The following NPAS3 variants were observed in gnomAD, a reference collection of about 807,000 sequenced individuals.
NPAS3 encodes neuronal PAS domain protein 3.
A neutral mutation model predicts 73.1 loss-of-function variants in NPAS3; 14 were observed. That is an observed-to-expected ratio of 0.19 (90% CI 0.13 to 0.30). NPAS3 has a LOEUF of 0.30. Ranked by LOEUF, NPAS3 falls within the 10% of genes least tolerant of loss-of-function variation. NPAS3 has a pLI of 1.00. For missense variants in NPAS3, 1,096 were observed against 1,250.0 expected, an observed-to-expected ratio of 0.88 and a Z score of 1.86; for synonymous variants, 620 against 541.5, an observed-to-expected ratio of 1.14 and a Z score of -2.01.
At chr14:33,526,722 A>T (rs1040293970) in intron 4 of NPAS3, among the ~76,000 whole-genome samples, 2 of 152,064 alleles carry the variant, frequency 1.3e-5, no homozygotes, top group African/African-American at 2.4e-5. Context: ...GTAATTTAGT[A>T]CCTCTCACCT....
intron 3 of NPAS3, among the ~76,000 whole-genome samples, chr14:33,267,582 G>A (rs967766089): frequency 2.6e-4 from 39 of 152,106 alleles, no homozygotes; most frequent in African/African-American, 8.4e-4. Context: ...TATAATATAA[G>A]CCAATATTCT....
At chr14:33,486,568 G>A (rs912037265) in intron 4 of NPAS3, among the ~76,000 whole-genome samples, 1 of 152,168 alleles carries the variant, frequency 6.6e-6, no homozygotes, top group Non-Finnish European at 1.5e-5. Context: ...TGTTATACAT[G>A]AAGGGAAGAT....
At chr14:33,390,040 G>GT (rs1038909293) in intron 4 of NPAS3, among the ~76,000 whole-genome samples, 5 of 102,440 alleles carry the variant, frequency 4.9e-5, no homozygotes, top group African/African-American at 1.6e-4. Flanking sequence ...AATGATTTGT[G>GT]TTAAAAAAAA....
intron 2 of NPAS3, among the ~76,000 whole-genome samples, chr14:33,172,900 A>G (rs973148945): frequency 6.6e-6 from 1 of 152,070 alleles, no homozygotes; most frequent in South Asian, 2.1e-4. Flanking sequence ...TGTGATTACT[A>G]AATTTCTGAA....
chr14:33,628,808 G>C (rs543259523), intron 5 of NPAS3, among the ~76,000 whole-genome samples: 2 of 152,132 alleles, frequency 1.3e-5, no homozygotes, highest in Non-Finnish European at 2.9e-5. Flanking sequence ...GTAAGAAAAC[G>C]ATACAATTTT....
At chr14:33,728,942 G>C (rs1486013513) in intron 6 of NPAS3, among the ~76,000 whole-genome samples, 1 of 152,070 alleles carries the variant, frequency 6.6e-6, no homozygotes, top group Non-Finnish European at 1.5e-5. Flanking sequence ...AGAGTGACAG[G>C]GATAGAGTGA....
chr14:33,592,297 G>T (rs149541649), intron 5 of NPAS3, among the ~76,000 whole-genome samples: 348 of 152,226 alleles, frequency 2.3e-3, no homozygotes, highest in African/African-American at 8.1e-3. Flanking sequence ...CAATTACACA[G>T]GTATTTAAAA....
At chr14:33,640,538 T>C (rs116628848) in intron 5 of NPAS3, among the ~76,000 whole-genome samples, 2,393 of 152,314 alleles carry the variant, frequency 0.016, 66 homozygotes, top group African/African-American at 0.055. Flanking sequence ...AAAAAACTTA[T>C]AAAAATATTT....
chr14:33,052,605 C>T (rs188504194), intron 1 of NPAS3, among the ~76,000 whole-genome samples: 1 of 152,280 alleles, frequency 6.6e-6, no homozygotes, highest in East Asian at 1.9e-4. Context: ...TCCCTCACTA[C>T]CAGGTGGAAC....
chr14:33,106,874 A>T (rs530630784), intron 2 of NPAS3, among the ~76,000 whole-genome samples: 2 of 152,282 alleles, frequency 1.3e-5, no homozygotes, highest in South Asian at 2.1e-4. Flanking sequence ...CTCCCTTAAC[A>T]CTATGAATAT....
chr14:33,185,433 G>A (rs1024264391), intron 2 of NPAS3, among the ~76,000 whole-genome samples: 1 of 152,066 alleles, frequency 6.6e-6, no homozygotes, highest in Admixed American at 6.6e-5. Flanking sequence ...TTTCTGCAGG[G>A]TACACTTACC....
At chr14:33,728,080 C>G (rs2140594968) in intron 6 of NPAS3, among the ~76,000 whole-genome samples, 1 of 152,254 alleles carries the variant, frequency 6.6e-6, no homozygotes, top group East Asian at 1.9e-4. Flanking sequence ...GTATATTTCC[C>G]CAGAGTGGTA....
chr14:33,758,749 C>T (rs1202978165), intron 7 of NPAS3, among the ~76,000 whole-genome samples: 1 of 152,138 alleles, frequency 6.6e-6, no homozygotes, highest in African/African-American at 2.4e-5. Context: ...CCTTACTCAG[C>T]AGAAAAAGCC....
intron 3 of NPAS3, among the ~76,000 whole-genome samples, chr14:33,310,786 ATGGT>A (rs2042968584): frequency 8.5e-6 from 1 of 117,364 alleles, no homozygotes; most frequent in Non-Finnish European, 1.8e-5. Flanking sequence ...AATGAAATGT[ATGGT>A]ACACACACAC....
At chr14:33,190,150 T>C (rs17100348) in intron 2 of NPAS3, among the ~76,000 whole-genome samples, 3,930 of 152,308 alleles carry the variant, frequency 0.026, 157 homozygotes, top group African/African-American at 0.089. Context: ...GAAAATACTT[T>C]TCCCTATACA....
Position 33,043,169 on chromosome 14 carries a change from T to C in NPAS3, c.51-12736T>C, listed in dbSNP as rs369648918. ...TTGTTGGTACAGTCTACTTTAATGT[T>C]AAAAGATTTATGATAAGAACACATT... On this transcript the variant is annotated intron_variant, in intron 1 of 11. Coordinates refer to ENST00000356141, the Ensembl canonical transcript of NPAS3. 2.6e-3 allele frequency among the ~76,000 whole-genome samples: 394 copies of C among 152,268 alleles called. 3 individuals are homozygous for C. The highest frequency in any genetic ancestry group is 8.3e-3 in the African/African-American group (347 of 41,574).
intron 3 of NPAS3, among the ~76,000 whole-genome samples, chr14:33,345,831 T>C (rs1272720087): frequency 6.6e-6 from 1 of 152,208 alleles, no homozygotes; most frequent in Non-Finnish European, 1.5e-5. Context: ...TCTCAAATGA[T>C]ATTGGTTCTG....
At chr14:33,389,887 C>T (rs2046927176) in intron 4 of NPAS3, among the ~76,000 whole-genome samples, 2 of 152,066 alleles carry the variant, frequency 1.3e-5, no homozygotes, top group Admixed American at 6.5e-5. Flanking sequence ...TTGACTTGAA[C>T]ATTAAATATT....
intron 3 of NPAS3, among the ~76,000 whole-genome samples, chr14:33,343,879 A>T (rs191225962): frequency 2.6e-4 from 39 of 152,266 alleles, no homozygotes; most frequent in African/African-American, 9.1e-4. Context: ...TCCTCAGTGC[A>T]TTGTCTTTTC....
Sources: gnomAD v4.1 joint callset for allele counts (sites outside exome capture counted in the v4.1 genomes callset) on GRCh38, gnomAD v4.1.1 for gene constraint, MANE v1.5 for transcripts, NCBI Gene and HGNC (gene_info 2026-07-23, HGNC 2026-07-21) for gene names.